KCTD19: variants seen among roughly 807,000 people sequenced by gnomAD.
KCTD19 encodes BTB/POZ domain-containing protein KCTD19.
KCTD19 carries 67 observed loss-of-function variants against 103.5 expected under a neutral mutation model. The ratio of observed to expected loss-of-function variants is 0.65; its 90% CI spans 0.53 to 0.79. KCTD19 has a LOEUF of 0.79. KCTD19 is among the 30% of genes least tolerant of loss of function. KCTD19 has a pLI of 0.00. For synonymous variants in KCTD19, 439 were observed against 452.2 expected (o/e 0.97, Z 0.37); for missense variants, 980 against 1,136.1 (o/e 0.86, Z 1.98).
intron 1 of KCTD19, among the ~76,000 whole-genome samples, chr16:67,324,007 C>A (rs552992785): frequency 5.9e-5 from 9 of 151,992 alleles, no homozygotes; most frequent in Non-Finnish European, 1.2e-4. Context: ...GATACCTTTT[C>A]ATATATACAA....
chr16:67,298,363 T>C lies in KCTD19; in HGVS notation c.987-700A>G, dbSNP rs1225690786. Among the ~76,000 whole-genome samples, 3 of 152,178 alleles carry C rather than the reference T, an allele frequency of 2.0e-5. No homozygotes were observed. The East Asian group carries it at 5.8e-4, about 29-fold the overall frequency. On this transcript the variant is annotated intron_variant, in intron 6 of 15. Transcript: ENST00000304372. The stretch of plus-strand genomic sequence containing the variant: ...TAAGCCTGGACAACCGGTCACATTT[T>C]TGGAGCTGAGCTTGACTTATTTCAG...
intron 2 of KCTD19, among the ~76,000 whole-genome samples, chr16:67,308,133 CCCTCCCATCCTCCCTCCTTCCTT>C (rs1417982317): frequency 2.7e-5 from 4 of 150,874 alleles, no homozygotes; most frequent in Non-Finnish European, 5.9e-5. Context: ...CTTCCTCCCT[CCCTCCCATCCTCCCTCCTTCCTT>C]CCTTCTTTCT....
At position 67,303,770 on chromosome 16, in the gene KCTD19, C is replaced by G. The variant is rs1212260485; in HGVS notation, c.452-433G>C. Among the ~76,000 whole-genome samples the G allele has an allele frequency of 2.8e-4, 43 of 152,198 alleles. No individual in the cohort carries two copies. The highest frequency in any genetic ancestry group is 7.3e-5 in the Non-Finnish European group (5 of 68,040). The stretch of plus-strand genomic sequence containing the variant: ...ACCATGTTGTCAGGCTGGTCTCGAA[C>G]TCCTGACCTCACGTGATCCATCTGC... On this transcript the variant is annotated intron_variant, in intron 3 of 15. Transcript: ENST00000304372. This position sits in a 1 kb window ranked among gnomAD's most constrained non-coding sequence, Gnocchi z 4.3.
intron 11 of KCTD19, among the ~76,000 whole-genome samples, 166 bp downstream of exon 11, chr16:67,294,414 G>A (rs193057393): frequency 1.3e-4 from 20 of 152,346 alleles, no homozygotes; most frequent in Admixed American, 6.5e-4. Context: ...GTAAGTTCCT[G>A]TGCCTCCTTC....
At chr16:67,315,683 T>C (rs922145147) in intron 2 of KCTD19, among the ~76,000 whole-genome samples, 1 of 152,156 alleles carries the variant, frequency 6.6e-6, no homozygotes, top group Non-Finnish European at 1.5e-5. Context: ...GATTTCACCA[T>C]GTTGTCCAGG....
rs201286450 is a variant in KCTD19, at chr16:67,296,186, G to T, written c.1221C>A (p.Tyr407Ter). 6.2e-7 allele frequency: 1 copy of T among 1,612,648 alleles called. No individual in the cohort carries two copies. The highest frequency in any genetic ancestry group is 1.3e-5 in the African/African-American group (1 of 75,004). The change falls in exon 8 of 16, where the codon TAC becomes TAA. Residue 407 changes from tyrosine (Y) to a stop codon, truncating the protein, a stop_gained. Coordinates refer to ENST00000304372, the MANE Select transcript of KCTD19 (RefSeq NM_001100915.3). LOFTEE classifies it high-confidence loss of function. ...IIKVYVGSHW[Y>*]ATTLQTLLKY... ...TCAGCAGTGTCTGCAGGGTGGTTGC[G>T]TACCAGTGGCTTCCAACATACACTT...
chr16:67,293,236 G>A lies in KCTD19; in HGVS notation c.2218+308C>T, dbSNP rs1003102935. ...GCCTCCAGCTAGACCCATGCCCTGC[G>A]CTTCCAAACATCCTGGACTTCTCCT... On this transcript the variant is annotated intron_variant, in intron 12 of 15. Transcript: ENST00000304372. This position sits in a 1 kb window ranked among gnomAD's most constrained non-coding sequence, Gnocchi z 4.0. Among the ~76,000 whole-genome samples, 6 of 152,066 alleles carry A rather than the reference G, an allele frequency of 3.9e-5. No homozygotes were observed. Among genetic ancestry groups the A allele is most frequent in the Non-Finnish European group, 8.8e-5 (6 of 68,020 alleles).
At chr16:67,310,962 C>T (rs925164423) in intron 2 of KCTD19, among the ~76,000 whole-genome samples, 24 of 152,192 alleles carry the variant, frequency 1.6e-4, no homozygotes, top group Admixed American at 1.5e-3. Flanking sequence ...CCAAATAAGA[C>T]GCAGCTTTCG....
intron 15 of KCTD19, among the ~76,000 whole-genome samples, chr16:67,290,209 G>A (rs1157434869): frequency 1.8e-5 from 2 of 110,420 alleles, no homozygotes; most frequent in African/African-American, 7.1e-5. Context: ...ACGGAGTCTC[G>A]CTCTGTCACC....
intron 2 of KCTD19, among the ~76,000 whole-genome samples, chr16:67,311,737 A>G (rs922812691): frequency 2.0e-5 from 3 of 151,800 alleles, no homozygotes; most frequent in Non-Finnish European, 4.4e-5. Context: ...GTGTGTGTGC[A>G]TGTGTATGTG....
intron 2 of KCTD19, among the ~76,000 whole-genome samples, chr16:67,316,217 A>T (rs1029152382): frequency 3.6e-4 from 54 of 151,270 alleles, no homozygotes; most frequent in African/African-American, 7.0e-4. Flanking sequence ...AATTAAAAAA[A>T]TTTTTTTGTA....
chr16:67,307,370 G>C (rs2036904950), intron 2 of KCTD19, among the ~76,000 whole-genome samples: 1 of 148,866 alleles, frequency 6.7e-6, no homozygotes, highest in Admixed American at 6.7e-5. Context: ...CTGGAGGGCA[G>C]TGGCCCAATC....
In KCTD19 at chr16:67,320,957, AATAAAC is replaced by A; in HGVS notation, c.4-78_4-73del. 3 of 1,286,506 alleles carry A rather than the reference AATAAAC, an allele frequency of 2.3e-6. No homozygotes were observed. The highest frequency in any genetic ancestry group is 3.2e-6 in the Non-Finnish European group (3 of 932,686). 79.7% of individuals were successfully genotyped at this position (1,286,506 alleles called of 1,614,324 possible). A position where few individuals can be genotyped will look rare whatever the true frequency, so the allele number is the denominator to read the frequency against. On this transcript the variant is annotated intron_variant, in intron 1 of 15. Transcript: ENST00000304372. The surrounding 1 kb of genome is among the most constrained non-coding windows in gnomAD (Gnocchi z 4.0). ...AAGGCATCCAGATTGAAAAGGTAGA[AATAAAC>A]TATCTCTGTTTGCTGATGACATGAT...
intron 2 of KCTD19, among the ~76,000 whole-genome samples, chr16:67,318,557 C>CAAAAAA (rs764640736): frequency 3.4e-5 from 2 of 59,508 alleles, no homozygotes; most frequent in African/African-American, 4.7e-5. Context: ...GACTCTATCT[C>CAAAAAA]AAAAAAAAAA....
chr16:67,305,670 C>G, intron 2 of KCTD19: 3 of 449,840 alleles, frequency 6.7e-6, no homozygotes, highest in Admixed American at 2.4e-5. Context: ...TCTGTCTTTA[C>G]GCTAGAAGAA....
rs183120418 is a variant in KCTD19 at position 67,323,260 on chromosome 16, A to T, written c.4-2375T>A. On this transcript the variant is annotated intron_variant, in intron 1 of 15. Coordinates refer to ENST00000304372, the MANE Select transcript of KCTD19 (RefSeq NM_001100915.3). This position sits in a 1 kb window ranked among gnomAD's most constrained non-coding sequence, Gnocchi z 4.1. Reference sequence around the variant, plus strand: ...CACCAAAATTTCTAGACTAATGTTCATAGAACATAATAGCCAAAAGGTTGG... The same window carrying T: ...CACCAAAATTTCTAGACTAATGTTCTTAGAACATAATAGCCAAAAGGTTGG... 6.6e-5 allele frequency among the ~76,000 whole-genome samples: 10 copies of T among 152,388 alleles called. No homozygotes were observed. The East Asian group carries it at 1.5e-3, about 23-fold the overall frequency.
At position 67,303,432 on chromosome 16, in the gene KCTD19, C is replaced by G. The variant is rs2036859713; in HGVS notation, c.452-95G>C. On this transcript the variant is annotated intron_variant, in intron 3 of 15. Coordinates refer to ENST00000304372, the MANE Select transcript of KCTD19 (RefSeq NM_001100915.3). The surrounding 1 kb of genome is among the most constrained non-coding windows in gnomAD (Gnocchi z 4.3). ...ACTGACCCAGGGGCCCCAGAGGATG[C>G]TAGAGAGACCCCCCAGGATATGGTC... The G allele has an allele frequency of 3.3e-6, 3 of 900,952 alleles. No homozygotes were observed. Among genetic ancestry groups the G allele is most frequent in the Non-Finnish European group, 5.0e-6 (3 of 598,042 alleles). 55.8% of individuals were successfully genotyped at this position (900,952 alleles called of 1,614,324 possible).
Position 67,293,629 on chromosome 16 carries a change from C to A in KCTD19, c.2133G>T (p.Gly711=), listed in dbSNP as rs757796226. 1 of 1,613,974 alleles carries A rather than the reference C, an allele frequency of 6.2e-7. No individual in the cohort carries two copies. The highest frequency in any genetic ancestry group is 1.1e-5 in the South Asian group (1 of 91,078). ...AGTATGGCTTGAAGGTTGGCTCTGGCCCCTTGTCTTTCGCTCCAGCTCCAG... is the reference window on the plus strand; with the variant it reads ...AGTATGGCTTGAAGGTTGGCTCTGGACCCTTGTCTTTCGCTCCAGCTCCAG... ...AGAGAGAKDK[G]PEPTFKPYLP... Residue 711 remains glycine, a synonymous_variant, in exon 12 of 16, where the codon GGG becomes GGT. Coordinates refer to ENST00000304372, the MANE Select transcript of KCTD19 (RefSeq NM_001100915.3). This position sits in a 1 kb window ranked among gnomAD's most constrained non-coding sequence, Gnocchi z 4.0.
In KCTD19 at chr16:67,297,673, G is replaced by A. The variant is rs771916424; in HGVS notation, c.987-10C>T. On this transcript the variant is annotated splice_polypyrimidine_tract_variant and intron_variant, in intron 6 of 15. Coordinates refer to ENST00000304372, the MANE Select transcript of KCTD19 (RefSeq NM_001100915.3). ...AGTCCCCAGCCAGTTCCTGCCCAGA[G>A]GAAAGGTCTGTCATGAAGAACATCA... is the stretch of plus-strand genomic sequence containing the variant. 2 of 1,612,936 alleles carry A rather than the reference G, an allele frequency of 1.2e-6. No homozygotes were observed. The highest frequency in any genetic ancestry group is 8.5e-7 in the Non-Finnish European group (1 of 1,179,772).
Sources: allele counts gnomAD v4.1 joint callset (sites outside exome capture counted in the v4.1 genomes callset), GRCh38; gene constraint gnomAD v4.1.1; non-coding constraint Gnocchi (gnomAD v3.1); transcripts MANE v1.5; gene names NCBI Gene and HGNC (gene_info 2026-07-23, HGNC 2026-07-21).